TTC32: variants seen among roughly 807,000 people sequenced by gnomAD.
TTC32 encodes tetratricopeptide repeat protein 32.
A neutral mutation model predicts 15.3 loss-of-function variants in TTC32; 16 were observed. The ratio of observed to expected loss-of-function variants is 1.05; its 90% CI spans 0.71 to 1.59. The LOEUF (loss-of-function observed/expected upper bound fraction) is 1.59, where lower values mean the gene tolerates loss of function less well. Among genes scored for constraint, TTC32 ranks in the 40% most tolerant of loss-of-function variants. The pLI is 0.00. For missense variants in TTC32, 188 were observed against 181.9 expected (o/e 1.03, Z -0.19); for synonymous variants, 89 against 67.8 (o/e 1.31, Z -1.53).
chr2:19,900,953 G>A (rs1209972643), intron 1 of TTC32: 8 of 371,882 alleles, frequency 2.2e-5, no homozygotes, highest in African/African-American at 1.7e-4. Context: ...AGGGGAAGGT[G>A]GAGAAGAGAC....
rs756629664 is a variant in TTC32 at position 19,896,957 on chromosome 2, T to C, written c.*30A>G. ...TAACTAGATGCAGATGTAAGGATCA[T>C]GAATCAATACTTCCATTAAGTTAAA... On this transcript the variant is annotated 3_prime_UTR_variant, in exon 3 of 3. Coordinates refer to ENST00000333610, the MANE Select transcript of TTC32 (RefSeq NM_001008237.3). 6.5e-7 allele frequency: 1 copy of C among 1,534,532 alleles called. No individual in the cohort carries two copies. Among genetic ancestry groups the C allele is most frequent in the Non-Finnish European group, 8.9e-7 (1 of 1,128,988 alleles).
rs1669537321 is a variant in TTC32 at position 19,897,981 on chromosome 2, C to T, written c.204G>A (p.Lys68=). The T allele has an allele frequency of 1.9e-6, 3 of 1,609,616 alleles. No individual in the cohort carries two copies. The highest frequency in any genetic ancestry group is 2.5e-6 in the Non-Finnish European group (3 of 1,176,754). ...CTTCATAAAAATCAACCCTGAAGTACTTGATTTGCCCCCTGTTGTTATATG... is the reference window on the plus strand; with the variant it reads ...CTTCATAAAAATCAACCCTGAAGTATTTGATTTGCCCCCTGTTGTTATATG... ...ATAYNNRGQI[K]YFRVDFYEAM... Residue 68 remains lysine (K), a synonymous_variant, in exon 2 of 3, where the codon AAG becomes AAA. Coordinates refer to ENST00000333610, the MANE Select transcript of TTC32 (RefSeq NM_001008237.3).
At chr2:19,901,630 C>A (rs1436632071) in intron 1 of TTC32, 76 bp downstream of exon 1, 2 of 1,541,168 alleles carry the variant, frequency 1.3e-6, no homozygotes, top group Admixed American at 1.9e-5. Flanking sequence ...GCTCCAGAGG[C>A]AAAGATAGGA....
intron 2 of TTC32, among the ~76,000 whole-genome samples, chr2:19,897,463 T>G (rs530328335): frequency 6.6e-6 from 1 of 152,348 alleles, no homozygotes; most frequent in South Asian, 2.1e-4. Flanking sequence ...ATTTTCTTTT[T>G]GACACTTTAA....
rs1390762734 is a variant in TTC32 at position 19,896,874 on chromosome 2, TG to T, written c.*112del. The T allele has an allele frequency of 1.5e-5, 16 of 1,043,620 alleles. No homozygotes were observed. Among genetic ancestry groups the T allele is most frequent in the Non-Finnish European group, 2.0e-5 (15 of 752,880 alleles). The allele number at this position is 1,043,620 out of a possible 1,614,324, so 64.6% of individuals were successfully genotyped here. A position where few individuals can be genotyped will look rare whatever the true frequency, so the allele number is the denominator to read the frequency against. Reference sequence around the variant, plus strand: ...CTTAAACACACTATTTAACTTTCAGTGCTAATGTATTAATTTCTTAAATATA... The same window carrying T: ...CTTAAACACACTATTTAACTTTCAGTCTAATGTATTAATTTCTTAAATATA... On this transcript the variant is annotated 3_prime_UTR_variant, in exon 3 of 3. Transcript: ENST00000333610.
At chr2:19,897,696 C>T (rs1024469684) in intron 2 of TTC32, among the ~76,000 whole-genome samples, 173 bp downstream of exon 2, 1 of 152,214 alleles carries the variant, frequency 6.6e-6, no homozygotes, top group Non-Finnish European at 1.5e-5. Context: ...TGATCTATAA[C>T]GCCTATCAAA....
At chr2:19,899,680 T>TTA (rs975226469) in intron 1 of TTC32, among the ~76,000 whole-genome samples, 3 of 150,136 alleles carry the variant, frequency 2.0e-5, no homozygotes, top group Admixed American at 2.0e-4. Flanking sequence ...AAAATATTTT[T>TTA]TATATATATA....
In TTC32 at chr2:19,901,960, A is replaced by G; in HGVS notation, c.-106T>C. On this transcript the variant is annotated 5_prime_UTR_variant, in exon 1 of 3. Coordinates refer to ENST00000333610, the MANE Select transcript of TTC32 (RefSeq NM_001008237.3). ...CACCCTGGAATCTACCTTGACAGCC[A>G]ACCTTGGCGCTAGGTTTGTGCCTTA... 2.1e-6 allele frequency: 3 copies of G among 1,396,594 alleles called. No homozygotes were observed. Among genetic ancestry groups the G allele is most frequent in the Non-Finnish European group, 2.9e-6 (3 of 1,017,076 alleles). The allele number at this position is 1,396,594 out of a possible 1,614,324, so 86.5% of individuals were successfully genotyped here.
chr2:19,899,247 C>T (rs74665606), intron 1 of TTC32, among the ~76,000 whole-genome samples: 2,266 of 152,250 alleles, frequency 0.015, 58 homozygotes, highest in African/African-American at 0.053. Flanking sequence ...CCACTAAGCA[C>T]CCCCGTTAAA....
intron 1 of TTC32, among the ~76,000 whole-genome samples, chr2:19,900,694 G>A (rs1320144935): frequency 2.0e-5 from 3 of 152,150 alleles, no homozygotes; most frequent in African/African-American, 7.2e-5. Flanking sequence ...AGGTGAAGCC[G>A]CTCACATCAC....
At chr2:19,897,233 CT>C (rs1669524708) in intron 2 of TTC32, 107 bp from the exon 3 acceptor site, 1 of 1,090,940 alleles carries the variant, frequency 9.2e-7, no homozygotes, top group Non-Finnish European at 1.3e-6. Flanking sequence ...TATTTATGAG[CT>C]TTCAGTCACT....
Position 19,901,855 on chromosome 2 carries a change from A to G in TTC32, c.-1T>C. ...GGCTTTCTTGCCGCTGTCCTTCCAT[A>G]GCAGCCAAGGCCTAGTTTTCGGTGT... On this transcript the variant is annotated 5_prime_UTR_variant, in exon 1 of 3. Transcript: ENST00000333610. 1 of 1,614,032 alleles carries G rather than the reference A, an allele frequency of 6.2e-7. No individual in the cohort carries two copies. Among genetic ancestry groups the G allele is most frequent in the Non-Finnish European group, 8.5e-7 (1 of 1,179,952 alleles).
rs749247504 is a variant in TTC32 at position 19,901,771 on chromosome 2, C to G, written c.84G>C (p.Glu28Asp). The change falls in exon 1 of 3, where the codon GAG becomes GAC. Residue 28 changes from glutamate to aspartate, a missense_variant. By Grantham distance (45) the Glu-to-Asp change is conservative (BLOSUM62 2). Coordinates refer to ENST00000333610, the MANE Select transcript of TTC32 (RefSeq NM_001008237.3). ...HFNNGEYAEA[E>D]ALYSAYIRRC... is the part of the protein sequence containing the mutation. ...GGCGAATGTAAGCGGAGTACAGTGC[C>G]TCGGCCTCCGCGTACTCTCCATTGT... 2.4e-5 allele frequency: 38 copies of G among 1,614,216 alleles called. No homozygotes were observed. Among genetic ancestry groups the G allele is most frequent in the Non-Finnish European group, 3.1e-5 (37 of 1,180,024 alleles).
In TTC32 at chr2:19,901,904, G is replaced by A; in HGVS notation, c.-50C>T. On this transcript the variant is annotated 5_prime_UTR_variant, in exon 1 of 3. Transcript: ENST00000333610. ...GTAGAATGGGGGTTGACCTCCGAGCGGTTAGAGGTGGCACCACAAAGCCAC... is the reference window on the plus strand; with the variant it reads ...GTAGAATGGGGGTTGACCTCCGAGCAGTTAGAGGTGGCACCACAAAGCCAC... 1 of 1,605,084 alleles carries A rather than the reference G, an allele frequency of 6.2e-7. No individual in the cohort carries two copies. Among genetic ancestry groups the A allele is most frequent in the Non-Finnish European group, 8.5e-7 (1 of 1,174,388 alleles).
At position 19,901,754 on chromosome 2, in the gene TTC32, T is replaced by G; in HGVS notation, c.101A>C (p.Tyr34Ser). ...YAEAEALYSA[Y>S]IRRCACAASS... Reference sequence around the variant, plus strand: ...GGCCGCGCAAGCGCACCGGCGAATGTAAGCGGAGTACAGTGCCTCGGCCTC... The same window carrying G: ...GGCCGCGCAAGCGCACCGGCGAATGGAAGCGGAGTACAGTGCCTCGGCCTC... The change falls in exon 1 of 3, where the codon TAC becomes TCC. Residue 34 changes from tyrosine (Y) to serine (S), a missense_variant. Physicochemically the swap from Tyr to Ser is moderately radical, Grantham distance 144 (BLOSUM62 -2). Transcript: ENST00000333610. 6.2e-7 allele frequency: 1 copy of G among 1,613,748 alleles called. No individual in the cohort carries two copies. The highest frequency in any genetic ancestry group is 1.1e-5 in the South Asian group (1 of 90,994).
At chr2:19,900,777 CATG>C (rs1669587107) in intron 1 of TTC32, among the ~76,000 whole-genome samples, 1 of 152,210 alleles carries the variant, frequency 6.6e-6, no homozygotes. Context: ...GTATTCTTGC[CATG>C]ATATTGAATC....
chr2:19,900,980 T>C (rs1248861347), intron 1 of TTC32: 2 of 432,770 alleles, frequency 4.6e-6, no homozygotes, highest in Non-Finnish European at 9.6e-6. Context: ...AGACTTGATG[T>C]GTATCCTGAC....
chr2:19,901,982 CTTATGGGGA>C, exon 1 of TTC32: 1 of 1,164,472 alleles, frequency 8.6e-7, no homozygotes, highest in African/African-American at 1.5e-5. Context: ...AGGTTTGTGC[CTTATGGGGA>C]TCCGTCGTCT....
chr2:19,901,528 C>A, intron 1 of TTC32, 178 bp downstream of exon 1: 1 of 788,358 alleles, frequency 1.3e-6, no homozygotes, highest in East Asian at 3.0e-5. Context: ...TTCTCCGCCG[C>A]CCTCGTCCTA....
Sources: gnomAD v4.1 joint callset for allele counts (sites outside exome capture counted in the v4.1 genomes callset) on GRCh38, gnomAD v4.1.1 for gene constraint, MANE v1.5 for transcripts, NCBI Gene and HGNC (gene_info 2026-07-23, HGNC 2026-07-21) for gene names.